BPTF: variants seen among roughly 807,000 people sequenced by gnomAD.
BPTF encodes the protein nucleosome-remodeling factor subunit BPTF.
A neutral mutation model predicts 292.5 loss-of-function variants in BPTF; 18 were observed. That is an observed-to-expected ratio of 0.06 (90% CI 0.04 to 0.09). The LOEUF is 0.09. Ranked by LOEUF, BPTF falls within the 10% of genes least tolerant of loss-of-function variation. BPTF has a pLI of 1.00. For missense variants in BPTF, 2,726 were observed against 3,498.7 expected (o/e 0.78, Z 5.57); for synonymous variants, 1,225 against 1,251.9 (o/e 0.98, Z 0.45).
At chr17:67,973,396 A>G (rs1334617369) in intron 26 of BPTF, among the ~76,000 whole-genome samples, 6 of 151,986 alleles carry the variant, frequency 3.9e-5, no homozygotes, top group Admixed American at 3.9e-4. Context: ...AAATATATAT[A>G]TAACAAAATT....
chr17:67,959,455 A>T (rs1459832532), intron 23 of BPTF, 86 bp from the exon 24 acceptor site: 2 of 1,063,716 alleles, frequency 1.9e-6, no homozygotes, highest in African/African-American at 3.2e-5. Context: ...TACTTTGACA[A>T]GAGTGGGTAG....
chr17:67,881,858 G>GTTTTTTGT (rs2060435467), intron 4 of BPTF, among the ~76,000 whole-genome samples: 2 of 30,016 alleles, frequency 6.7e-5, no homozygotes, highest in Non-Finnish European at 1.6e-4. Flanking sequence ...TTGGGTTTTT[G>GTTTTTTGT]TTTTTTTTTT....
intron 7 of BPTF, among the ~76,000 whole-genome samples, chr17:67,898,884 T>C (rs1047501237): frequency 1.4e-5 from 2 of 138,226 alleles, no homozygotes; most frequent in Non-Finnish European, 3.0e-5. Context: ...ATTGCACCAC[T>C]GCACTCCAGC....
chr17:67,887,031 T>C (rs905052791), intron 4 of BPTF, among the ~76,000 whole-genome samples: 1 of 152,214 alleles, frequency 6.6e-6, no homozygotes, highest in African/African-American at 2.4e-5. Flanking sequence ...AAATGGTAGC[T>C]ACATTTAAAA....
Position 67,826,357 on chromosome 17 carries a change from G to A in BPTF, c.613+20G>A. On this transcript the variant is annotated intron_variant, in intron 1 of 27. Transcript: ENST00000306378. The stretch of plus-strand genomic sequence containing the variant: ...CTCCAGGTACCCACCCAGCCCAGTT[G>A]CTGCAGACTCCTTCCCCACCTCCTC... 1 of 1,593,104 alleles carries A rather than the reference G, an allele frequency of 6.3e-7. No individual in the cohort carries two copies.
At chr17:67,884,866 A>T (rs992613791) in intron 4 of BPTF, among the ~76,000 whole-genome samples, 1 of 152,032 alleles carries the variant, frequency 6.6e-6, no homozygotes, top group African/African-American at 2.4e-5. Flanking sequence ...AAGTAAATGC[A>T]TGTGTAATTT....
chr17:67,895,543 C>T (rs182480044), intron 7 of BPTF, among the ~76,000 whole-genome samples: 2,237 of 151,020 alleles, frequency 0.015, 62 homozygotes, highest in African/African-American at 0.052. Flanking sequence ...CTCACTGCAG[C>T]CTTGACCTCC....
chr17:67,968,338 T>A (rs2148471478), intron 26 of BPTF, among the ~76,000 whole-genome samples: 1 of 151,640 alleles, frequency 6.6e-6, no homozygotes, highest in Non-Finnish European at 1.5e-5. Flanking sequence ...ATCTCTGTTC[T>A]CCTGATGTTG....
intron 2 of BPTF, among the ~76,000 whole-genome samples, chr17:67,855,668 G>GTTA (rs1208030393): frequency 6.6e-6 from 1 of 152,190 alleles, no homozygotes; most frequent in East Asian, 1.9e-4. Context: ...ATCAGGCAGG[G>GTTA]TTATAGTGTG....
chr17:67,866,771 ATTAAAAT>A, intron 3 of BPTF, 84 bp downstream of exon 3: 1 of 1,114,088 alleles, frequency 9.0e-7, no homozygotes, highest in Non-Finnish European at 1.3e-6. Context: ...TTGAAAATAG[ATTAAAAT>A]TTTCAAGTAC....
intron 26 of BPTF, among the ~76,000 whole-genome samples, chr17:67,967,183 C>G (rs2068210789): frequency 6.7e-6 from 1 of 150,106 alleles, no homozygotes; most frequent in South Asian, 2.1e-4. Context: ...TGCTTTGTCG[C>G]CAGGCTGGAG....
chr17:67,952,251 T>C (rs2066444361), intron 23 of BPTF, among the ~76,000 whole-genome samples: 1 of 134,636 alleles, frequency 7.4e-6, no homozygotes. Context: ...TTTCTGCCTC[T>C]TTTTTTTAAT....
At chr17:67,970,422 A>G (rs1402682396) in intron 26 of BPTF, among the ~76,000 whole-genome samples, 1 of 152,132 alleles carries the variant, frequency 6.6e-6, no homozygotes, top group Non-Finnish European at 1.5e-5. Flanking sequence ...AAATACATAT[A>G]TACATACATA....
At chr17:67,952,157 A>G (rs2066434023) in intron 23 of BPTF, among the ~76,000 whole-genome samples, 2 of 151,854 alleles carry the variant, frequency 1.3e-5, no homozygotes, top group Admixed American at 1.3e-4. Flanking sequence ...AAAGCTTCAA[A>G]TATGTATATG....
chr17:67,828,369 A>G (rs984012121), intron 1 of BPTF, among the ~76,000 whole-genome samples: 2 of 152,172 alleles, frequency 1.3e-5, no homozygotes, highest in Non-Finnish European at 2.9e-5. Context: ...AAAAGAGCTG[A>G]GACATTTTGG....
intron 18 of BPTF, among the ~76,000 whole-genome samples, chr17:67,933,142 A>T (rs1368579038): frequency 2.7e-5 from 4 of 150,918 alleles, no homozygotes; most frequent in Admixed American, 6.6e-5. Context: ...AATCCCAGCT[A>T]CTCTACTCGG....
chr17:67,848,607 G>A (rs1351483673), intron 1 of BPTF, among the ~76,000 whole-genome samples: 1 of 152,134 alleles, frequency 6.6e-6, no homozygotes, highest in Non-Finnish European at 1.5e-5. Flanking sequence ...TTAAAAATAT[G>A]AGAAATTAAT....
At chr17:67,968,936 G>A (rs544116626) in intron 26 of BPTF, among the ~76,000 whole-genome samples, 4 of 151,370 alleles carry the variant, frequency 2.6e-5, no homozygotes, top group African/African-American at 7.3e-5. Context: ...AGCCGAGATC[G>A]CGCCATTGCA....
chr17:67,962,433 G>A (rs1177304644), intron 24 of BPTF, among the ~76,000 whole-genome samples: 2 of 152,128 alleles, frequency 1.3e-5, no homozygotes, highest in Non-Finnish European at 2.9e-5. Context: ...TTTTCCTTTT[G>A]TCATTAGGTC....
Sources: allele counts gnomAD v4.1 joint callset (sites outside exome capture counted in the v4.1 genomes callset), GRCh38; gene constraint gnomAD v4.1.1; transcripts MANE v1.5; gene names NCBI Gene and HGNC (gene_info 2026-07-23, HGNC 2026-07-21).